The following ADCY2 variants were observed in gnomAD, a reference collection of about 807,000 sequenced individuals.
ADCY2 encodes the protein adenylate cyclase type 2.
ADCY2 carries 31 observed loss-of-function variants against 125.2 expected under a neutral mutation model. The observed-to-expected ratio is 0.25, with a 90% CI of 0.19 to 0.33. The LOEUF (loss-of-function observed/expected upper bound fraction) is 0.33, where lower values mean the gene tolerates loss of function less well. Ranked by LOEUF, ADCY2 falls within the 10% of genes least tolerant of loss-of-function variation. The pLI is 1.00. For missense variants in ADCY2, 904 were observed against 1,418.2 expected (o/e 0.64, Z 5.82); for synonymous variants, 512 against 548.4 (o/e 0.93, Z 0.93).
At chr5:7,417,701 G>A (rs1740008131) in intron 2 of ADCY2, among the ~76,000 whole-genome samples, 1 of 152,194 alleles carries the variant, frequency 6.6e-6, no homozygotes, top group Non-Finnish European at 1.5e-5. Context: ...CACTTCATAA[G>A]GCAACATCAC....
chr5:7,698,711 A>C (rs1740975508), intron 7 of ADCY2, among the ~76,000 whole-genome samples: 1 of 152,216 alleles, frequency 6.6e-6, no homozygotes, highest in Non-Finnish European at 1.5e-5. Flanking sequence ...TGCCAAGGGC[A>C]TGAACTCATC....
At chr5:7,653,495 C>G (rs1029537652) in intron 4 of ADCY2, among the ~76,000 whole-genome samples, 1 of 152,006 alleles carries the variant, frequency 6.6e-6, no homozygotes, top group Non-Finnish European at 1.5e-5. Context: ...GTGGTCCCAG[C>G]TACTCAGGAG....
chr5:7,555,030 A>G (rs147678843), intron 3 of ADCY2, among the ~76,000 whole-genome samples: 1 of 152,306 alleles, frequency 6.6e-6, no homozygotes, highest in East Asian at 1.9e-4. Context: ...TCCTCAGATC[A>G]AAAGTCATGC....
At chr5:7,509,965 G>A (rs1362722990) in intron 2 of ADCY2, among the ~76,000 whole-genome samples, 1 of 152,124 alleles carries the variant, frequency 6.6e-6, no homozygotes, top group African/African-American at 2.4e-5. Flanking sequence ...GTATTATTTG[G>A]TGATGCAAAC....
intron 4 of ADCY2, among the ~76,000 whole-genome samples, chr5:7,669,344 G>A (rs576427750): frequency 2.6e-5 from 4 of 152,260 alleles, no homozygotes; most frequent in Middle Eastern, 3.4e-3. Flanking sequence ...AGATGGACAC[G>A]GTAGGTCAGA....
At chr5:7,669,088 C>T (rs997831497) in intron 4 of ADCY2, among the ~76,000 whole-genome samples, 3 of 152,128 alleles carry the variant, frequency 2.0e-5, no homozygotes, top group Non-Finnish European at 4.4e-5. Flanking sequence ...GTGGGAATCA[C>T]CTGAACTGCT....
chr5:7,699,318 C>T (rs1477919625), intron 7 of ADCY2, among the ~76,000 whole-genome samples: 5 of 150,776 alleles, frequency 3.3e-5, no homozygotes, highest in African/African-American at 1.2e-4. Flanking sequence ...GGGATGGTCT[C>T]GATCTCCTGA....
chr5:7,729,462 T>C (rs1047459678), intron 14 of ADCY2, among the ~76,000 whole-genome samples: 1 of 151,970 alleles, frequency 6.6e-6, no homozygotes, highest in African/African-American at 2.4e-5. Flanking sequence ...ATTTATTTTG[T>C]CATCTGTATT....
chr5:7,681,870 C>A (rs1442890298), intron 4 of ADCY2, among the ~76,000 whole-genome samples: 2 of 152,212 alleles, frequency 1.3e-5, no homozygotes, highest in Non-Finnish European at 2.9e-5. Flanking sequence ...GATTGCTCTC[C>A]TGTCCCCAGC....
At chr5:7,629,285 G>A (rs917641984) in intron 4 of ADCY2, among the ~76,000 whole-genome samples, 4 of 152,110 alleles carry the variant, frequency 2.6e-5, no homozygotes, top group African/African-American at 4.8e-5. Flanking sequence ...ATACAGTGGC[G>A]GGTTAGCCCA....
At chr5:7,761,522 T>A (rs1176357900) in intron 16 of ADCY2, among the ~76,000 whole-genome samples, 1 of 152,184 alleles carries the variant, frequency 6.6e-6, no homozygotes, top group Non-Finnish European at 1.5e-5. Flanking sequence ...AATGCTAGAA[T>A]GAACTTTGAG....
intron 12 of ADCY2, among the ~76,000 whole-genome samples, chr5:7,722,699 C>T (rs1278895179): frequency 6.6e-6 from 1 of 152,180 alleles, no homozygotes; most frequent in South Asian, 2.1e-4. Context: ...TGGCTCATGC[C>T]TGTAATCCCT....
At chr5:7,492,687 G>A (rs1042249825) in intron 2 of ADCY2, among the ~76,000 whole-genome samples, 1 of 151,876 alleles carries the variant, frequency 6.6e-6, no homozygotes. Context: ...AGGAGAAAAA[G>A]GCCAGAGGAG....
chr5:7,495,110 T>A (rs59238617), intron 2 of ADCY2, among the ~76,000 whole-genome samples: 7,306 of 152,276 alleles, frequency 0.048, 611 homozygotes, highest in African/African-American at 0.17. Flanking sequence ...ATATTTAATA[T>A]CCTGGTGACT....
intron 4 of ADCY2, among the ~76,000 whole-genome samples, chr5:7,674,559 T>C (rs891968454): frequency 9.9e-5 from 15 of 152,230 alleles, no homozygotes; most frequent in African/African-American, 3.6e-4. Context: ...TTTATTCATT[T>C]TTTAAAACAC....
chr5:7,408,941 G>A (rs1199667574), intron 1 of ADCY2, among the ~76,000 whole-genome samples: 1 of 152,146 alleles, frequency 6.6e-6, no homozygotes, highest in East Asian at 1.9e-4. Context: ...AATATTCATT[G>A]CAGCAGCATT....
chr5:7,407,867 CTTTTTTTTT>C (rs963332049), intron 1 of ADCY2, among the ~76,000 whole-genome samples: 1 of 127,920 alleles, frequency 7.8e-6, no homozygotes, highest in African/African-American at 2.9e-5. Flanking sequence ...CTCTTCAGTT[CTTTTTTTTT>C]TTTTTTTTTT....
chr5:7,612,635 G>C (rs1316717651), intron 3 of ADCY2, among the ~76,000 whole-genome samples: 3 of 152,202 alleles, frequency 2.0e-5, no homozygotes, highest in South Asian at 2.1e-4. Flanking sequence ...CTCCGGGAGG[G>C]GGTAGGGAAG....
Position 7,709,538 on chromosome 5 carries a change from A to C in ADCY2, c.1578+151A>C. On this transcript the variant is annotated intron_variant, in intron 10 of 24. Transcript: ENST00000338316. The surrounding 1 kb of genome is among the most constrained non-coding windows in gnomAD (Gnocchi z 4.4). ...CTCAGAGAGGCCCTTATGAACAACC[A>C]TCAGGGTATGAGTGAGCTCCATGCT... 9 of 953,948 alleles carry C rather than the reference A, an allele frequency of 9.4e-6. No individual in the cohort carries two copies. The highest frequency in any genetic ancestry group is 1.7e-5 in the African/African-American group (1 of 60,320). 59.1% of individuals were successfully genotyped at this position (953,948 alleles called of 1,614,324 possible).
Sources: allele counts gnomAD v4.1 joint callset (sites outside exome capture counted in the v4.1 genomes callset), GRCh38; gene constraint gnomAD v4.1.1; non-coding constraint Gnocchi (gnomAD v3.1); transcripts MANE v1.5; gene names NCBI Gene and HGNC (gene_info 2026-07-23, HGNC 2026-07-21).